LRRC8C: variants seen among roughly 807,000 people sequenced by gnomAD.
LRRC8C encodes volume-regulated anion channel subunit LRRC8C.
A neutral mutation model predicts 55.3 loss-of-function variants in LRRC8C; 20 were observed. That is an observed-to-expected ratio of 0.36 (90% CI 0.25 to 0.53). LRRC8C has a LOEUF of 0.53. Ranked by LOEUF, LRRC8C falls within the 20% of genes least tolerant of loss-of-function variation. LRRC8C has a pLI of 0.92. For synonymous variants in LRRC8C, 376 were observed against 360.7 expected (o/e 1.04, Z -0.48); for missense variants, 659 against 951.4 (o/e 0.69, Z 4.04).
At chr1:89,621,566 C>G in the LRRC8C span, among the ~76,000 whole-genome samples, 1 of 152,150 alleles carries the variant, frequency 6.6e-6, no homozygotes, top group Non-Finnish European at 1.5e-5. Context: ...CCAGTCTGAT[C>G]TGAGGAAAAG....
At chr1:89,708,092 TC>T (rs540527655) in intron 2 of LRRC8C, among the ~76,000 whole-genome samples, 123 of 152,052 alleles carry the variant, frequency 8.1e-4, no homozygotes, top group African/African-American at 2.6e-3. Flanking sequence ...TCTTCACTTC[TC>T]CCCCCAGTTT....
At chr1:89,700,873 G>A (rs1234033403) in intron 2 of LRRC8C, among the ~76,000 whole-genome samples, 4 of 152,174 alleles carry the variant, frequency 2.6e-5, no homozygotes, top group African/African-American at 9.7e-5. Flanking sequence ...TAAAGAATAA[G>A]ACACAATCTA....
In LRRC8C at chr1:89,673,479, G is replaced by A. The variant is rs188710578; in HGVS notation, c.-4-12991G>A. On this transcript the variant is annotated intron_variant, in intron 1 of 2. Transcript: ENST00000370454. Reference sequence around the variant, plus strand: ...CTTACTAATAATAGCAACTCCAAGTGATTTCAAAATACTGTACCGTTTGTC... The same window carrying A: ...CTTACTAATAATAGCAACTCCAAGTAATTTCAAAATACTGTACCGTTTGTC... 2.6e-5 allele frequency among the ~76,000 whole-genome samples: 4 copies of A among 152,322 alleles called. No homozygotes were observed. In the East Asian group the frequency reaches 7.7e-4, roughly 29 times the overall value.
intron 2 of LRRC8C, among the ~76,000 whole-genome samples, chr1:89,693,254 A>C (rs1003306342): frequency 6.6e-6 from 1 of 152,178 alleles, no homozygotes; most frequent in Non-Finnish European, 1.5e-5. Flanking sequence ...GGGCATACTG[A>C]AATTAATTTC....
At chr1:89,647,578 G>T (rs1379743070) in intron 1 of LRRC8C, among the ~76,000 whole-genome samples, 3 of 152,052 alleles carry the variant, frequency 2.0e-5, no homozygotes, top group African/African-American at 7.2e-5. Context: ...GGTTGGGTGA[G>T]AAAAAATATA....
chr1:89,662,433 G>A (rs368001537), intron 1 of LRRC8C, among the ~76,000 whole-genome samples: 33 of 152,292 alleles, frequency 2.2e-4, no homozygotes, highest in East Asian at 1.4e-3. Flanking sequence ...AGAGGATTTT[G>A]AATGGAGAAG....
At chr1:89,642,450 C>G (rs555838021) in intron 1 of LRRC8C, among the ~76,000 whole-genome samples, 1 of 152,212 alleles carries the variant, frequency 6.6e-6, no homozygotes, top group Non-Finnish European at 1.5e-5. Flanking sequence ...TGCAGTGGCT[C>G]CTGCCTGTAA....
chr1:89,678,708 A>C (rs1473890193), intron 1 of LRRC8C, among the ~76,000 whole-genome samples: 1 of 144,858 alleles, frequency 6.9e-6, no homozygotes, highest in Non-Finnish European at 1.5e-5. Flanking sequence ...CTAAAAAAAA[A>C]AAAAAACGAA....
intron 1 of LRRC8C, among the ~76,000 whole-genome samples, chr1:89,684,186 AGGG>A (rs1481248177): frequency 6.6e-6 from 1 of 152,184 alleles, no homozygotes; most frequent in African/African-American, 2.4e-5. Flanking sequence ...TTAGAGCATG[AGGG>A]GTTCCTGAGA....
At chr1:89,683,001 G>A (rs1657764232) in intron 1 of LRRC8C, among the ~76,000 whole-genome samples, 1 of 152,134 alleles carries the variant, frequency 6.6e-6, no homozygotes, top group Non-Finnish European at 1.5e-5. Context: ...GACACTTCAG[G>A]GAGAACAACT....
intron 2 of LRRC8C, among the ~76,000 whole-genome samples, chr1:89,703,606 G>A (rs936176330): frequency 6.6e-6 from 1 of 151,390 alleles, no homozygotes; most frequent in Non-Finnish European, 1.5e-5. Context: ...ACAACAAATT[G>A]GTATAGTTCA....
chr1:89,654,460 A>G (rs1656882935), intron 1 of LRRC8C, among the ~76,000 whole-genome samples: 1 of 151,600 alleles, frequency 6.6e-6, no homozygotes, highest in Admixed American at 6.5e-5. Flanking sequence ...GGAAATGTCA[A>G]GTTGGCAGCT....
chr1:89,695,590 G>A (rs1457804564), intron 2 of LRRC8C, among the ~76,000 whole-genome samples: 1 of 152,126 alleles, frequency 6.6e-6, no homozygotes, highest in Non-Finnish European at 1.5e-5. Flanking sequence ...TCAGTTAGTA[G>A]TCACTTAATT....
rs777154736 is a variant in LRRC8C, at chr1:89,713,707, G to C, written c.1137G>C (p.Gln379His). ...DFAFMLHMID[Q>H]YDPLYSKRFA... ...CTTTTATGCTTCATATGATAGATCA[G>C]TATGACCCTCTCTATTCCAAGAGAT... Residue 379 changes from glutamine (Q) to histidine (H), a missense_variant, in exon 3 of 3, where the codon CAG becomes CAC. Gln to His is a conservative substitution (Grantham distance 24). Transcript: ENST00000370454. The surrounding 1 kb of genome is among the most constrained non-coding windows in gnomAD (Gnocchi z 5.2). 1.7e-5 allele frequency: 28 copies of C among 1,614,162 alleles called. 1 individual carries two copies. The South Asian group carries it at 3.1e-4, about 18-fold the overall frequency.
chr1:89,656,221 G>A (rs1395859952), intron 1 of LRRC8C, among the ~76,000 whole-genome samples: 6 of 152,202 alleles, frequency 3.9e-5, no homozygotes, highest in African/African-American at 1.4e-4. Flanking sequence ...AGTTTCCTCA[G>A]CCTCAGCTGC....
chr1:89,677,286 C>T (rs991993314), intron 1 of LRRC8C, among the ~76,000 whole-genome samples: 6 of 152,074 alleles, frequency 3.9e-5, no homozygotes, highest in Non-Finnish European at 7.4e-5. Context: ...ATGGAGATAT[C>T]CAAGGAAAAG....
chr1:89,663,764 T>C (rs1398202337), intron 1 of LRRC8C, among the ~76,000 whole-genome samples: 2 of 152,166 alleles, frequency 1.3e-5, no homozygotes, highest in Non-Finnish European at 1.5e-5. Flanking sequence ...AGCGTTCCTG[T>C]TTCTCCACAT....
rs757191825 is a variant in LRRC8C at position 89,714,936 on chromosome 1, T to C, written c.2366T>C (p.Phe789Ser). The C allele has an allele frequency of 1.3e-6, 2 of 1,599,036 alleles. No homozygotes were observed. Among genetic ancestry groups the C allele is most frequent in the South Asian group, 2.3e-5 (2 of 87,396 alleles). The stretch of plus-strand genomic sequence containing the variant: ...GGTTTAGTTGTAGAAGATGCTCTGT[T>C]TGAAACTCTGCCTTCTGACGTCCGG... The part of the protein sequence containing the change: ...RAGLVVEDAL[F>S]ETLPSDVREQ... Residue 789 changes from phenylalanine (F) to serine (S), a missense_variant, in exon 3 of 3, where the codon TTT becomes TCT. Physicochemically the swap from Phe to Ser is radical, Grantham distance 155. Transcript: ENST00000370454. This position sits in a 1 kb window ranked among gnomAD's most constrained non-coding sequence, Gnocchi z 4.6.
intron 2 of LRRC8C, among the ~76,000 whole-genome samples, chr1:89,702,973 C>T (rs1006786603): frequency 2.0e-5 from 3 of 152,138 alleles, no homozygotes; most frequent in Admixed American, 2.0e-4. Context: ...AACACACGCT[C>T]ATGAAAGACA....
Sources: gnomAD v4.1 joint callset for allele counts (sites outside exome capture counted in the v4.1 genomes callset) on GRCh38, gnomAD v4.1.1 for gene constraint, Gnocchi (gnomAD v3.1) non-coding constraint, MANE v1.5 for transcripts, NCBI Gene and HGNC (gene_info 2026-07-23, HGNC 2026-07-21) for gene names.